CLRN1: variants seen among roughly 807,000 people sequenced by gnomAD.
The protein encoded by CLRN1 is clarin-1.
Under a neutral mutation model 18.7 loss-of-function variants are expected in CLRN1, and 15 were observed. The ratio of observed to expected loss-of-function variants is 0.80; its 90% CI spans 0.54 to 1.23. CLRN1 has a LOEUF of 1.23. Among genes scored for constraint, CLRN1 ranks in the 50% most tolerant of loss-of-function variants. The pLI is 0.00. For missense variants in CLRN1, 311 were observed against 277.5 expected (o/e 1.12, Z -0.86); for synonymous variants, 104 against 102.9 (o/e 1.01, Z -0.07).
intron 1 of CLRN1, among the ~76,000 whole-genome samples, chr3:150,954,815 G>A (rs201212573): frequency 1.3e-5 from 2 of 152,236 alleles, no homozygotes; most frequent in East Asian, 3.9e-4. Flanking sequence ...GGTTAATTTT[G>A]TATTTTTGCA....
chr3:150,944,483 A>T (rs929581614), intron 1 of CLRN1, among the ~76,000 whole-genome samples: 1 of 151,454 alleles, frequency 6.6e-6, no homozygotes, highest in Non-Finnish European at 1.5e-5. Context: ...GAGGGGAGAG[A>T]TGGGGGCTGG....
chr3:150,935,803 C>T, intron 2 of CLRN1, among the ~76,000 whole-genome samples: 1 of 137,522 alleles, frequency 7.3e-6, no homozygotes. Context: ...CTCTCCAGCA[C>T]CTGTTGTTTC....
chr3:150,926,505 A>T, downstream of CLRN1: 1 of 432,560 alleles, frequency 2.3e-6, no homozygotes, highest in Non-Finnish European at 4.3e-6. Flanking sequence ...CTTTGTGGCT[A>T]GACTGAATTG....
intron 1 of CLRN1, among the ~76,000 whole-genome samples, chr3:150,961,385 G>A (rs744669): frequency 0.12 from 18,747 of 152,120 alleles, 1,258 homozygotes; most frequent in East Asian, 0.24. Flanking sequence ...AGGATCAGTA[G>A]TTTTAAGGAC....
chr3:150,959,225 A>C (rs1295596261), intron 1 of CLRN1, among the ~76,000 whole-genome samples: 1 of 152,072 alleles, frequency 6.6e-6, no homozygotes, highest in East Asian at 1.9e-4. Context: ...GCTTAGGCAC[A>C]TCATGGGCAC....
chr3:150,954,457 T>C (rs1714641425), intron 1 of CLRN1, among the ~76,000 whole-genome samples: 1 of 152,250 alleles, frequency 6.6e-6, no homozygotes, highest in Non-Finnish European at 1.5e-5. Context: ...CTTTTGTGCA[T>C]TTCTTATTGG....
intron 2 of CLRN1, among the ~76,000 whole-genome samples, chr3:150,936,792 C>T (rs145646587): frequency 8.5e-5 from 13 of 152,240 alleles, no homozygotes; most frequent in Middle Eastern, 3.4e-3. Flanking sequence ...TTTCCTTGTG[C>T]CATTTCCCCT....
Position 150,927,240 on chromosome 3 carries a change from C to A in CLRN1, c.*696G>T. On this transcript the variant is annotated 3_prime_UTR_variant, in exon 3 of 3. Coordinates refer to ENST00000327047, the MANE Select transcript of CLRN1 (RefSeq NM_174878.3). The stretch of plus-strand genomic sequence containing the variant: ...GAGTTTGCAGATTTTGACCAACAGA[C>A]ATGGTTAATAAGACTATGCTTTTTT... The A allele has an allele frequency of 2.1e-6, 1 of 481,158 alleles. No individual in the cohort carries two copies. Among genetic ancestry groups the A allele is most frequent in the East Asian group, 6.2e-5 (1 of 16,250 alleles). The allele number at this position is 481,158 out of a possible 1,614,324, so 29.8% of individuals were successfully genotyped here. A position where few individuals can be genotyped will look rare whatever the true frequency, so the allele number is the denominator to read the frequency against.
At chr3:150,958,808 C>T (rs939173537) in intron 1 of CLRN1, among the ~76,000 whole-genome samples, 1 of 152,164 alleles carries the variant, frequency 6.6e-6, no homozygotes, top group Admixed American at 6.5e-5. Context: ...TCATCTTGAC[C>T]TCTCTGAAGT....
chr3:150,941,936 T>C (rs969913220), intron 1 of CLRN1, among the ~76,000 whole-genome samples, 175 bp from the exon 2 acceptor site: 3 of 152,218 alleles, frequency 2.0e-5, no homozygotes, highest in Admixed American at 6.5e-5. Flanking sequence ...AAAGATAGGA[T>C]CATTTTATAG....
chr3:150,955,174 A>G (rs1297674707), intron 1 of CLRN1, among the ~76,000 whole-genome samples: 1 of 152,180 alleles, frequency 6.6e-6, no homozygotes, highest in Non-Finnish European at 1.5e-5. Context: ...CTTATATACA[A>G]CATCCTGGAA....
chr3:150,941,143 T>TCTATCTAC (rs1228577966), intron 2 of CLRN1, among the ~76,000 whole-genome samples: 2 of 71,530 alleles, frequency 2.8e-5, no homozygotes, highest in African/African-American at 5.4e-5. Flanking sequence ...TGTCTGTCTA[T>TCTATCTAC]CTATCTATCT....
intron 1 of CLRN1, among the ~76,000 whole-genome samples, chr3:150,943,406 G>A (rs1170400105): frequency 6.6e-6 from 1 of 152,178 alleles, no homozygotes; most frequent in Non-Finnish European, 1.5e-5. Context: ...CCAGTAGAGA[G>A]GAGAAGTGGC....
At chr3:150,932,686 T>A (rs183930602) in intron 2 of CLRN1, among the ~76,000 whole-genome samples, 3 of 152,334 alleles carry the variant, frequency 2.0e-5, no homozygotes, top group Non-Finnish European at 4.4e-5. Flanking sequence ...TCTAAAATTA[T>A]GTAAATGTCA....
intron 1 of CLRN1, chr3:150,943,794 G>A (rs750445819): frequency 1.9e-6 from 3 of 1,613,936 alleles, no homozygotes; most frequent in Middle Eastern, 1.7e-4. Context: ...CACCCTCTGG[G>A]GCCCTGGGGT....
chr3:150,968,245 CCA>C (rs1241024485), intron 1 of CLRN1, among the ~76,000 whole-genome samples: 2 of 151,978 alleles, frequency 1.3e-5, no homozygotes, highest in Non-Finnish European at 2.9e-5. Flanking sequence ...AGAAACCCAC[CCA>C]CACACACTGA....
Position 150,956,452 on chromosome 3 carries a change from G to C in CLRN1, c.254-14691C>G, listed in dbSNP as rs1344882575. On this transcript the variant is annotated intron_variant, in intron 1 of 2. Transcript: ENST00000327047. ...AGAAAAAGAGAGCTAGAAGAAACTAGTCACTGGGTTCTCTATCCTGGTAGC... is the reference window on the plus strand; with the variant it reads ...AGAAAAAGAGAGCTAGAAGAAACTACTCACTGGGTTCTCTATCCTGGTAGC... Among the ~76,000 whole-genome samples the C allele has an allele frequency of 3.9e-5, 6 of 152,146 alleles. No homozygotes were observed. The East Asian group carries it at 1.2e-3, about 29-fold the overall frequency.
chr3:150,958,288 T>TGGAAATATTTC (rs770140744), intron 1 of CLRN1, among the ~76,000 whole-genome samples: 23 of 152,376 alleles, frequency 1.5e-4, no homozygotes, highest in Non-Finnish European at 2.2e-4. Context: ...TTGAATATTT[T>TGGAAATATTTC]GGAAATATTT....
At chr3:150,941,901 TTA>T (rs2107951752) in intron 1 of CLRN1, 140 bp from the exon 2 acceptor site, 1 of 774,940 alleles carries the variant, frequency 1.3e-6, no homozygotes, top group Admixed American at 2.3e-5. Context: ...ACTTACTAAC[TTA>T]TAAGGGGTTT....
Sources: allele counts gnomAD v4.1 joint callset (sites outside exome capture counted in the v4.1 genomes callset), GRCh38; gene constraint gnomAD v4.1.1; transcripts MANE v1.5; gene names NCBI Gene and HGNC (gene_info 2026-07-23, HGNC 2026-07-21).